Variants in XRN1 observed in about 807,000 individuals in gnomAD.
XRN1 encodes the protein strand-exchange protein 1 homolog.
A neutral mutation model predicts 222.3 loss-of-function variants in XRN1; 67 were observed. That is an observed-to-expected ratio of 0.30 (90% CI 0.25 to 0.37). The LOEUF (loss-of-function observed/expected upper bound fraction) is 0.37. XRN1 is among the 10% of genes least tolerant of loss of function. XRN1 has a pLI of 1.00. For synonymous variants in XRN1, 643 were observed against 652.4 expected (o/e 0.99, Z 0.22); for missense variants, 1,707 against 2,000.2 (o/e 0.85, Z 2.80).
chr3:142,340,547 G>A (rs972771419), intron 33 of XRN1, among the ~76,000 whole-genome samples: 1 of 151,954 alleles, frequency 6.6e-6, no homozygotes, highest in East Asian at 1.9e-4. Context: ...TCTAGAGAAA[G>A]GTATCAATAT....
At chr3:142,318,509 T>C (rs2065264755) in intron 39 of XRN1, 83 bp downstream of exon 39, 1 of 1,236,094 alleles carries the variant, frequency 8.1e-7, no homozygotes, top group Admixed American at 2.2e-5. Context: ...TCCTAGATAT[T>C]TGAGTACATT....
In XRN1 at chr3:142,311,502, G is replaced by C. The variant is rs1560275066; in HGVS notation, c.*9C>G. Reference sequence around the variant, plus strand: ...AGAGAAGAAATTAACTTAATTCTAAGAGCCAAATTTACTCAGAAGGTTTAG... The same window carrying C: ...AGAGAAGAAATTAACTTAATTCTAACAGCCAAATTTACTCAGAAGGTTTAG... On this transcript the variant is annotated 3_prime_UTR_variant, in exon 41 of 41. Coordinates refer to ENST00000392981, the MANE Select transcript of XRN1 (RefSeq NM_001282857.2). 1 of 1,566,858 alleles carries C rather than the reference G, an allele frequency of 6.4e-7. No homozygotes were observed. The highest frequency in any genetic ancestry group is 8.6e-7 in the Non-Finnish European group (1 of 1,156,192).
intron 14 of XRN1, among the ~76,000 whole-genome samples, chr3:142,413,025 G>GT: frequency 6.6e-6 from 1 of 152,162 alleles, no homozygotes; most frequent in East Asian, 1.9e-4. Flanking sequence ...GCATCTAGTA[G>GT]TTCTCTATTT....
intron 33 of XRN1, among the ~76,000 whole-genome samples, chr3:142,336,634 A>G (rs1449170807): frequency 6.6e-6 from 1 of 151,536 alleles, no homozygotes; most frequent in African/African-American, 2.4e-5. Flanking sequence ...AAGGGGAGGA[A>G]GGGGAGTAAA....
At chr3:142,354,033 T>C (rs1046174386) in intron 32 of XRN1, among the ~76,000 whole-genome samples, 5 of 152,096 alleles carry the variant, frequency 3.3e-5, no homozygotes, top group Admixed American at 2.6e-4. Flanking sequence ...GCAGCACATA[T>C]ACTAAAATTG....
chr3:142,396,975 A>G (rs1206723980), intron 20 of XRN1, among the ~76,000 whole-genome samples: 1 of 152,080 alleles, frequency 6.6e-6, no homozygotes, highest in Non-Finnish European at 1.5e-5. Context: ...ACAAAACAGG[A>G]TTTTTCTTCC....
At chr3:142,381,777 GC>G (rs2067313635) in intron 22 of XRN1, among the ~76,000 whole-genome samples, 1 of 151,802 alleles carries the variant, frequency 6.6e-6, no homozygotes. Flanking sequence ...GTGTTGGCCA[GC>G]CTGGTCTCGA....
rs1423141002 is a variant in XRN1 at position 142,423,557 on chromosome 3, T to C, written c.710+3A>G. The stretch of plus-strand genomic sequence containing the variant: ...CTTCCAACATATATGCTATATAATT[T>C]ACCGTTGTGTTTTTTTGCCACCAAA... On this transcript the variant is annotated splice_donor_region_variant and intron_variant, in intron 6 of 40. Transcript: ENST00000392981. 1 of 1,598,996 alleles carries C rather than the reference T, an allele frequency of 6.3e-7. No homozygotes were observed. Among genetic ancestry groups the C allele is most frequent in the Non-Finnish European group, 8.5e-7 (1 of 1,174,668 alleles).
At chr3:142,406,081 G>C (rs950376109) in intron 15 of XRN1, among the ~76,000 whole-genome samples, 1 of 151,972 alleles carries the variant, frequency 6.6e-6, no homozygotes, top group African/African-American at 2.4e-5. Context: ...GAGAAATGGG[G>C]AGAGAATATA....
intron 25 of XRN1, among the ~76,000 whole-genome samples, chr3:142,371,751 T>C (rs1466370714): frequency 6.6e-6 from 1 of 152,192 alleles, no homozygotes; most frequent in African/African-American, 2.4e-5. Flanking sequence ...TGCAGGACTT[T>C]TCGATACATA....
intron 1 of XRN1, among the ~76,000 whole-genome samples, 165 bp from the exon 2 acceptor site, chr3:142,433,058 G>A (rs1190454795): frequency 6.6e-6 from 1 of 152,068 alleles, no homozygotes; most frequent in Admixed American, 6.6e-5. Context: ...GTAAAGAATT[G>A]GTAATATGGT....
chr3:142,378,609 G>C (rs934047230), intron 23 of XRN1, among the ~76,000 whole-genome samples: 3 of 152,172 alleles, frequency 2.0e-5, no homozygotes, highest in African/African-American at 7.2e-5. Context: ...ATAGGAAATG[G>C]ATGAGGAGAG....
At chr3:142,346,787 G>C (rs973301915) in intron 33 of XRN1, among the ~76,000 whole-genome samples, 3 of 152,020 alleles carry the variant, frequency 2.0e-5, no homozygotes, top group African/African-American at 7.2e-5. Flanking sequence ...TGCCTTTTCT[G>C]AATATTTTTG....
chr3:142,369,506 G>A (rs1698312101), intron 27 of XRN1, among the ~76,000 whole-genome samples: 1 of 151,470 alleles, frequency 6.6e-6, no homozygotes, highest in African/African-American at 2.4e-5. Context: ...AAATTGGCTG[G>A]GCGAGGTGGC....
chr3:142,404,978 A>G lies in XRN1; in HGVS notation c.1812T>C (p.Asp604=), dbSNP rs1291729132. ...AAGGATAGATAAACTCTGTGTCTCT[A>G]TCATACCAGCACATTAGGCACTCAC... ...QHSECLMCWY[D]RDTEFIYPSP... The change falls in exon 16 of 41, where the codon GAT becomes GAC. Residue 604 remains aspartate (D), a synonymous_variant. Transcript: ENST00000392981. 6 of 1,613,926 alleles carry G rather than the reference A, an allele frequency of 3.7e-6. No individual in the cohort carries two copies. The African/African-American group carries it at 6.7e-5, about 18-fold the overall frequency.
At chr3:142,355,567 T>C in intron 31 of XRN1, 71 bp from the exon 32 acceptor site, 1 of 1,023,688 alleles carries the variant, frequency 9.8e-7, no homozygotes, top group South Asian at 1.6e-5. Flanking sequence ...AAAAATCAAA[T>C]AATTCATCTA....
intron 19 of XRN1, among the ~76,000 whole-genome samples, chr3:142,398,307 A>C (rs1013811217): frequency 6.6e-6 from 1 of 152,180 alleles, no homozygotes; most frequent in African/African-American, 2.4e-5. Flanking sequence ...ACATATAAAA[A>C]TAAACATTTT....
intron 12 of XRN1, among the ~76,000 whole-genome samples, chr3:142,417,604 G>A (rs2068835602): frequency 6.6e-6 from 1 of 152,206 alleles, no homozygotes; most frequent in African/African-American, 2.4e-5. Context: ...TACATGGGAT[G>A]ATATCTGAGA....
At position 142,397,425 on chromosome 3, in the gene XRN1, A is replaced by C. The variant is rs1315167105; in HGVS notation, c.2243T>G (p.Leu748Arg). 1.7e-5 allele frequency: 28 copies of C among 1,608,594 alleles called. No homozygotes were observed. Among genetic ancestry groups the C allele is most frequent in the Non-Finnish European group, 2.4e-5 (28 of 1,176,958 alleles). The change falls in exon 20 of 41, where the codon CTT becomes CGT. Residue 748 changes from leucine (L) to arginine (R), a missense_variant. Coordinates refer to ENST00000392981, the MANE Select transcript of XRN1 (RefSeq NM_001282857.2). ...TGGTGGGGCAGTTCTTCCTGAATAA[A>C]GCTTCTGTGTTCCTGGAGGTTCTTC... ...YLEEPPGTQK[L>R]YSGRTAPPSK...
Sources: allele counts gnomAD v4.1 joint callset (sites outside exome capture counted in the v4.1 genomes callset), GRCh38; gene constraint gnomAD v4.1.1; transcripts MANE v1.5; gene names NCBI Gene and HGNC (gene_info 2026-07-23, HGNC 2026-07-21).